Variants in DCAF1 observed in about 807,000 individuals in gnomAD.
The protein encoded by DCAF1 is DDB1- and CUL4-associated factor 1.
In DCAF1, 15 loss-of-function variants were observed where a neutral mutation model predicts 128.0. The observed-to-expected ratio is 0.12, with a 90% CI of 0.08 to 0.18. The LOEUF is 0.18. Ranked by LOEUF, DCAF1 falls within the 10% of genes least tolerant of loss-of-function variation. The pLI, the probability that DCAF1 is intolerant of heterozygous loss-of-function variation, is 1.00. For missense variants in DCAF1, 988 were observed against 1,649.5 expected (o/e 0.60, Z 6.95); for synonymous variants, 610 against 603.0 (o/e 1.01, Z -0.17).
At chr3:51,488,939 TGC>T (rs1707300505) in intron 2 of DCAF1, among the ~76,000 whole-genome samples, 1 of 152,094 alleles carries the variant, frequency 6.6e-6, no homozygotes, top group South Asian at 2.1e-4. Context: ...CATTCCAGTC[TGC>T]GCGACAGGGC....
the DCAF1 span, among the ~76,000 whole-genome samples, chr3:51,505,099 T>C: frequency 6.6e-6 from 1 of 151,710 alleles, no homozygotes; most frequent in Non-Finnish European, 1.5e-5. Flanking sequence ...CCATCTCTAC[T>C]AAAAAATTAC....
chr3:51,406,023 G>T (rs1456856347), intron 23 of DCAF1, among the ~76,000 whole-genome samples: 3 of 151,894 alleles, frequency 2.0e-5, no homozygotes, highest in African/African-American at 7.3e-5. Context: ...AACAGAGTGA[G>T]ATCCCATTTC....
At chr3:51,396,537 G>C (rs780837469), downstream of DCAF1, 17 of 167,144 alleles carry the variant, frequency 1.0e-4, no homozygotes, top group Non-Finnish European at 2.2e-4. Flanking sequence ...CCCCCACCCA[G>C]GGTTCAGGCC....
upstream of DCAF1, among the ~76,000 whole-genome samples, chr3:51,504,991 G>T (rs1182756291): frequency 6.6e-6 from 1 of 152,124 alleles, no homozygotes; most frequent in Non-Finnish European, 1.5e-5. Flanking sequence ...AGCCAGGCGT[G>T]GTAGCTCACG....
intron 6 of DCAF1, among the ~76,000 whole-genome samples, chr3:51,449,862 T>C (rs537925250): frequency 1.3e-5 from 2 of 152,106 alleles, no homozygotes; most frequent in South Asian, 2.1e-4. Flanking sequence ...GAATACCATA[T>C]ACAATTGTAC....
intron 1 of DCAF1, among the ~76,000 whole-genome samples, chr3:51,498,382 A>G (rs1553662444): frequency 6.6e-6 from 1 of 151,334 alleles, no homozygotes; most frequent in Non-Finnish European, 1.5e-5. Flanking sequence ...AAAAGAAAAA[A>G]AAAAAAAAAA....
chr3:51,418,604 T>G, intron 16 of DCAF1, 74 bp downstream of exon 16: 1 of 1,526,240 alleles, frequency 6.6e-7, no homozygotes, highest in Non-Finnish European at 8.8e-7. Flanking sequence ...CAATAAAGGG[T>G]AAGCCTCCTT....
intron 6 of DCAF1, among the ~76,000 whole-genome samples, chr3:51,456,658 C>A (rs889680270): frequency 6.6e-6 from 1 of 152,168 alleles, no homozygotes; most frequent in Non-Finnish European, 1.5e-5. Flanking sequence ...CTGGGAGGCA[C>A]CCCCCAGTAG....
intron 6 of DCAF1, among the ~76,000 whole-genome samples, chr3:51,450,720 G>A (rs542620157): frequency 2.2e-4 from 33 of 152,210 alleles, no homozygotes; most frequent in East Asian, 1.4e-3. Flanking sequence ...CAGCACAAGC[G>A]ATCTTCCCAC....
chr3:51,469,992 G>A (rs782380677), intron 4 of DCAF1, among the ~76,000 whole-genome samples: 29 of 151,686 alleles, frequency 1.9e-4, no homozygotes, highest in Non-Finnish European at 3.5e-4. Context: ...CTGCACTGCC[G>A]GCTGGGCGAC....
At position 51,491,040 on chromosome 3, in the gene DCAF1, GAAAAAAA is replaced by G. The variant is rs56102341; in HGVS notation, c.-9+5687_-9+5693del. ...AACCTGAATAGGCACAACAATCTTG[GAAAAAAA>G]AAAAAAAAAAACAAAGTCGGGGTCA... On this transcript the variant is annotated intron_variant, in intron 2 of 24. Coordinates refer to ENST00000684031, the MANE Select transcript of DCAF1 (RefSeq NM_001387579.1). Among the ~76,000 whole-genome samples the G allele has an allele frequency of 3.1e-5, 4 of 128,276 alleles. No homozygotes were observed. The South Asian group carries it at 7.7e-4, about 25-fold the overall frequency. 84.2% of individuals were successfully genotyped at this position (128,276 alleles called of 152,430 possible).
At chr3:51,476,049 T>G (rs1553650444) in intron 3 of DCAF1, among the ~76,000 whole-genome samples, 1 of 151,880 alleles carries the variant, frequency 6.6e-6, no homozygotes, top group Non-Finnish European at 1.5e-5. Flanking sequence ...GCTCTTTAGG[T>G]GTTAATTGTG....
intron 3 of DCAF1, among the ~76,000 whole-genome samples, chr3:51,482,183 G>A (rs1036836951): frequency 4.0e-5 from 6 of 151,894 alleles, no homozygotes; most frequent in South Asian, 2.1e-4. Flanking sequence ...CTGTGGCTTC[G>A]CCTGTAATCC....
chr3:51,456,240 C>T (rs1553642779), intron 6 of DCAF1, among the ~76,000 whole-genome samples: 2 of 152,236 alleles, frequency 1.3e-5, no homozygotes, highest in African/African-American at 2.4e-5. Flanking sequence ...GCTTAAAAAA[C>T]GGCACACCAG....
intron 24 of DCAF1, 42 bp from the exon 25 acceptor site, chr3:51,398,869 C>T: frequency 6.4e-7 from 1 of 1,559,244 alleles, no homozygotes; most frequent in Non-Finnish European, 8.7e-7. Context: ...ACACACTAGG[C>T]TTATAGGAAG....
At chr3:51,465,123 G>A (rs374144783) in intron 5 of DCAF1, among the ~76,000 whole-genome samples, 2 of 152,166 alleles carry the variant, frequency 1.3e-5, no homozygotes, top group South Asian at 4.1e-4. Context: ...TTGGCTAAAC[G>A]GTGGTCTAGC....
At chr3:51,433,751 C>A (rs1490735245) in intron 9 of DCAF1, among the ~76,000 whole-genome samples, 1 of 150,890 alleles carries the variant, frequency 6.6e-6, no homozygotes, top group Non-Finnish European at 1.5e-5. Context: ...GCGTGAGCCA[C>A]CATGCCCAGC....
intron 18 of DCAF1, 51 bp from the exon 19 acceptor site, chr3:51,414,908 G>A: frequency 6.4e-7 from 1 of 1,568,236 alleles, no homozygotes; most frequent in African/African-American, 1.4e-5. Context: ...TCCATCCACT[G>A]ACAAATTAAA....
chr3:51,414,533 T>C, intron 19 of DCAF1, 91 bp downstream of exon 19: 1 of 1,519,832 alleles, frequency 6.6e-7, no homozygotes, highest in South Asian at 1.3e-5. Flanking sequence ...GTGGACACTT[T>C]AACCAGGTAT....
Sources: gnomAD v4.1 joint callset for allele counts (sites outside exome capture counted in the v4.1 genomes callset) on GRCh38, gnomAD v4.1.1 for gene constraint, MANE v1.5 for transcripts, NCBI Gene and HGNC (gene_info 2026-07-23, HGNC 2026-07-21) for gene names.